The following LRRC37A2 variants were observed in gnomAD, a reference collection of about 807,000 sequenced individuals.
LRRC37A2 encodes the protein leucine rich repeat containing 37 member A2, also known as leucine-rich repeat-containing protein 37A2.
A neutral mutation model predicts 68.8 loss-of-function variants in LRRC37A2; 9 were observed. The observed-to-expected ratio is 0.13, with a 90% CI of 0.08 to 0.23. The LOEUF (loss-of-function observed/expected upper bound fraction) is 0.23, where lower values mean the gene tolerates loss of function less well. Ranked by LOEUF, LRRC37A2 falls within the 10% of genes least tolerant of loss-of-function variation. LRRC37A2 has a pLI of 1.00. For synonymous variants in LRRC37A2, 63 were observed against 367.6 expected, an observed-to-expected ratio of 0.17 and a Z score of 9.48; for missense variants, 168 against 950.4, an observed-to-expected ratio of 0.18 and a Z score of 10.82.
chr17:46,846,305 C>T, the LRRC37A2 span, among the ~76,000 whole-genome samples: 2 of 152,190 alleles, frequency 1.3e-5, no homozygotes, highest in African/African-American at 4.8e-5. Context: ...TTTATTCATT[C>T]AGTTATTCAT....
At chr17:46,928,110 T>G in the LRRC37A2 span, among the ~76,000 whole-genome samples, 1 of 151,984 alleles carries the variant, frequency 6.6e-6, no homozygotes, top group Admixed American at 6.6e-5. Context: ...ATCCCAGACT[T>G]ACTTTCCGGA....
At chr17:46,983,418 C>T in the LRRC37A2 span, among the ~76,000 whole-genome samples, 1 of 151,340 alleles carries the variant, frequency 6.6e-6, no homozygotes, top group Non-Finnish European at 1.5e-5. Context: ...CCTCAGCCTC[C>T]CGAGTAGCTG....
At chr17:46,757,850 C>T in the LRRC37A2 span, among the ~76,000 whole-genome samples, 3 of 151,936 alleles carry the variant, frequency 2.0e-5, no homozygotes, top group Admixed American at 6.6e-5. Flanking sequence ...AAAAAACAGC[C>T]GGGTGTGGTG....
chr17:47,001,557 A>G, the LRRC37A2 span, among the ~76,000 whole-genome samples: 1 of 152,164 alleles, frequency 6.6e-6, no homozygotes, highest in Non-Finnish European at 1.5e-5. Context: ...TCTGAGCCTT[A>G]GTATACAGCT....
intron 6 of LRRC37A2, among the ~76,000 whole-genome samples, chr17:46,534,815 C>T (rs1316370544): frequency 2.0e-5 from 3 of 147,296 alleles, no homozygotes; most frequent in African/African-American, 5.3e-5. Flanking sequence ...GGCGGCTGGC[C>T]AGGCGGGGGC....
chr17:46,872,869 C>G, the LRRC37A2 span: 1 of 1,417,364 alleles, frequency 7.1e-7, no homozygotes, highest in South Asian at 1.4e-5. Context: ...TTCCTGGCTC[C>G]CGTGCCCAGG....
the LRRC37A2 span, among the ~76,000 whole-genome samples, chr17:46,728,328 G>T: frequency 3.3e-5 from 5 of 152,058 alleles, no homozygotes; most frequent in African/African-American, 1.2e-4. Flanking sequence ...TTTAATATCA[G>T]TGTACTGAAT....
At chr17:46,558,274 G>C (rs990672660), downstream of LRRC37A2, among the ~76,000 whole-genome samples, 1 of 108,254 alleles carries the variant, frequency 9.2e-6, no homozygotes, top group Non-Finnish European at 1.8e-5. Context: ...TGGTCAGGCT[G>C]GTCTCGAACT....
At chr17:46,718,503 T>C in the LRRC37A2 span, among the ~76,000 whole-genome samples, 1 of 152,222 alleles carries the variant, frequency 6.6e-6, no homozygotes, top group African/African-American at 2.4e-5. Context: ...TAAATATGTA[T>C]AACTATTATG....
At chr17:46,386,135 G>A in the LRRC37A2 span, among the ~76,000 whole-genome samples, 6 of 126,712 alleles carry the variant, frequency 4.7e-5, no homozygotes, top group South Asian at 3.3e-4. Flanking sequence ...GTCTTGCTCC[G>A]TCACACAGGC....
chr17:46,774,034 G>A, the LRRC37A2 span: 1 of 1,383,314 alleles, frequency 7.2e-7, no homozygotes, highest in Non-Finnish European at 9.9e-7. Flanking sequence ...CCTGGCACCT[G>A]AATGTGCTAC....
the LRRC37A2 span, among the ~76,000 whole-genome samples, chr17:46,714,319 G>A: frequency 6.6e-6 from 1 of 152,176 alleles, no homozygotes; most frequent in Non-Finnish European, 1.5e-5. Context: ...ATTTTTTAAA[G>A]TTCTTTCATT....
the LRRC37A2 span, among the ~76,000 whole-genome samples, chr17:46,832,325 C>G: frequency 1.3e-5 from 2 of 151,014 alleles, no homozygotes; most frequent in African/African-American, 4.9e-5. Context: ...CCCAGAAGGG[C>G]CTGGTTGTTG....
the LRRC37A2 span, among the ~76,000 whole-genome samples, chr17:46,825,738 A>ATG: frequency 6.6e-6 from 1 of 152,180 alleles, no homozygotes. Context: ...AAAAAACAAA[A>ATG]CCAGGCCAGG....
chr17:46,981,522 T>C, the LRRC37A2 span, among the ~76,000 whole-genome samples: 4 of 152,162 alleles, frequency 2.6e-5, no homozygotes, highest in Non-Finnish European at 5.9e-5. Context: ...GGCCACTCGA[T>C]CTTGGACTTC....
At chr17:46,758,929 G>C in the LRRC37A2 span, among the ~76,000 whole-genome samples, 1 of 152,148 alleles carries the variant, frequency 6.6e-6, no homozygotes, top group Non-Finnish European at 1.5e-5. Context: ...GGGGCAGCCG[G>C]GCGCAGTAGC....
the LRRC37A2 span, among the ~76,000 whole-genome samples, chr17:47,022,112 A>G: frequency 1.4e-5 from 2 of 148,014 alleles, no homozygotes; most frequent in Non-Finnish European, 3.0e-5. Context: ...ATAAGAGGCA[A>G]TTTAAATTTA....
the LRRC37A2 span, among the ~76,000 whole-genome samples, chr17:46,988,731 G>A: frequency 6.6e-6 from 1 of 152,122 alleles, no homozygotes; most frequent in South Asian, 2.1e-4. Context: ...CAGACAGTTG[G>A]AGGCATGGCC....
At chr17:46,830,867 G>A in the LRRC37A2 span, 3 of 397,890 alleles carry the variant, frequency 7.5e-6, no homozygotes, top group Non-Finnish European at 1.3e-5. Flanking sequence ...AAAAAGTCTG[G>A]TTGGTCCTAA....
Sources: allele counts gnomAD v4.1 joint callset (sites outside exome capture counted in the v4.1 genomes callset), GRCh38; gene constraint gnomAD v4.1.1; transcripts MANE v1.5; gene names NCBI Gene and HGNC (gene_info 2026-07-23, HGNC 2026-07-21).